L3MBTL3: variants seen among roughly 807,000 people sequenced by gnomAD.
L3MBTL3 encodes lethal(3)malignant brain tumor-like protein 3.
L3MBTL3 carries 27 observed loss-of-function variants against 102.3 expected under a neutral mutation model. That is an observed-to-expected ratio of 0.26 (90% CI 0.19 to 0.36). L3MBTL3 has a LOEUF of 0.36. Among genes scored for constraint, L3MBTL3 ranks in the 10% least tolerant of loss-of-function variants. The pLI is 1.00. For missense variants in L3MBTL3, 798 were observed against 955.3 expected, an observed-to-expected ratio of 0.84 and a Z score of 2.17; for synonymous variants, 340 against 320.9, an observed-to-expected ratio of 1.06 and a Z score of -0.64.
chr6:130,078,528 T>A, intron 13 of L3MBTL3, 30 bp from the exon 14 acceptor site: 1 of 1,485,310 alleles, frequency 6.7e-7, no homozygotes, highest in Non-Finnish European at 9.4e-7. Flanking sequence ...ATCCTGATAA[T>A]TGCAGTTTTT....
In L3MBTL3 at chr6:130,104,525, A is replaced by G. The variant is rs1368315578; in HGVS notation, c.1836A>G (p.Pro612=). The G allele has an allele frequency of 3.8e-6, 6 of 1,594,028 alleles. No homozygotes were observed. The highest frequency in any genetic ancestry group is 5.1e-6 in the Non-Finnish European group (6 of 1,171,752). Residue 612 remains proline (P), a synonymous_variant, in exon 19 of 23, where the codon CCA becomes CCG. Coordinates refer to ENST00000361794, the MANE Select transcript of L3MBTL3 (RefSeq NM_032438.4). Reference sequence around the variant, plus strand: ...TGCCTCCGGCTAGTCCGTCATTTCCAAGAAATAAAAGGACAGATGCAAATG... The same window carrying G: ...TGCCTCCGGCTAGTCCGTCATTTCCGAGAAATAAAAGGACAGATGCAAATG... The part of the protein sequence containing the change: ...GEMPPASPSF[P]RNKRTDANES...
chr6:130,049,325 A>C lies in L3MBTL3; in HGVS notation c.146A>C (p.Glu49Ala). Residue 49 changes from glutamate to alanine, a missense_variant, in exon 4 of 23, where the codon GAG becomes GCG. Physicochemically the swap from Glu to Ala is moderately radical, Grantham distance 107 (BLOSUM62 -1). This residue lies in a region of L3MBTL3 where 434 missense variants were observed against 506.6 expected (regional missense o/e 0.86). Coordinates refer to ENST00000361794, the MANE Select transcript of L3MBTL3 (RefSeq NM_032438.4). The stretch of plus-strand genomic sequence containing the variant: ...GGAGCCCTGGAAGTTATTACAGATG[A>C]GAATGAGATGGAAAATGTTAAAAAA... ...EFGALEVITD[E>A]NEMENVKKAT... The C allele has an allele frequency of 6.2e-7, 1 of 1,613,892 alleles. No homozygotes were observed. Among genetic ancestry groups the C allele is most frequent in the East Asian group, 2.2e-5 (1 of 44,868 alleles).
At chr6:130,076,592 CT>C (rs1782965923) in intron 13 of L3MBTL3, among the ~76,000 whole-genome samples, 1 of 152,086 alleles carries the variant, frequency 6.6e-6, no homozygotes, top group Non-Finnish European at 1.5e-5. Context: ...GAAATGGAGG[CT>C]TCTTTCATGA....
chr6:130,089,911 TA>T (rs1192308847), intron 16 of L3MBTL3, among the ~76,000 whole-genome samples: 2 of 140,600 alleles, frequency 1.4e-5, no homozygotes, highest in Non-Finnish European at 3.3e-5. Context: ...ATCAACACTC[TA>T]TCTTTTTCTT....
chr6:130,053,449 C>A (rs1437945463), intron 7 of L3MBTL3, among the ~76,000 whole-genome samples: 2 of 152,028 alleles, frequency 1.3e-5, no homozygotes. Context: ...TCCTGGCTAA[C>A]CCGGTGAAAC....
intron 13 of L3MBTL3, among the ~76,000 whole-genome samples, chr6:130,071,982 C>G (rs1782665714): frequency 6.6e-6 from 1 of 151,972 alleles, no homozygotes; most frequent in South Asian, 2.1e-4. Context: ...TTTTAAAATG[C>G]TTTCTATTAT....
intron 19 of L3MBTL3, among the ~76,000 whole-genome samples, chr6:130,109,768 T>C (rs151327160): frequency 0.041 from 6,276 of 152,320 alleles, 188 homozygotes; most frequent in Non-Finnish European, 0.066. Flanking sequence ...GTTTTAGTCA[T>C]GAAGTCTTTG....
intron 2 of L3MBTL3, among the ~76,000 whole-genome samples, chr6:130,034,254 T>G (rs1178022533): frequency 1.3e-5 from 2 of 152,200 alleles, no homozygotes; most frequent in African/African-American, 4.8e-5. Context: ...AGTAGATTCT[T>G]GACATTTGTG....
chr6:130,068,382 T>A lies in L3MBTL3; in HGVS notation c.1053T>A (p.Ala351=). 1 of 1,605,436 alleles carries A rather than the reference T, an allele frequency of 6.2e-7. No homozygotes were observed. Among genetic ancestry groups the A allele is most frequent in the Non-Finnish European group, 8.5e-7 (1 of 1,172,444 alleles). ...AGACCTATCTTAAGACATGTAAAGC[T>A]CAAGCTGCTCCTAAGTCATTATTTG... The part of the protein sequence containing the change: ...NWQTYLKTCK[A]QAAPKSLFEN... Residue 351 remains alanine (A), a synonymous_variant, in exon 12 of 23, where the codon GCT becomes GCA. Coordinates refer to ENST00000361794, the MANE Select transcript of L3MBTL3 (RefSeq NM_032438.4).
At chr6:130,096,265 A>G (rs777745055) in intron 18 of L3MBTL3, among the ~76,000 whole-genome samples, 14 of 152,126 alleles carry the variant, frequency 9.2e-5, no homozygotes, top group African/African-American at 2.2e-4. Context: ...CACAGACCCA[A>G]CCTTCAAAGA....
chr6:130,030,883 A>G (rs1213901222), intron 2 of L3MBTL3, among the ~76,000 whole-genome samples: 1 of 150,788 alleles, frequency 6.6e-6, no homozygotes, highest in Non-Finnish European at 1.5e-5. Context: ...AAGTAGTTTG[A>G]GGGTCAAATA....
intron 19 of L3MBTL3, among the ~76,000 whole-genome samples, chr6:130,105,597 G>C (rs1260310118): frequency 7.0e-6 from 1 of 142,872 alleles, no homozygotes; most frequent in Non-Finnish European, 1.5e-5. Flanking sequence ...ACTTCAGCCT[G>C]GGTGACAGAG....
At chr6:130,101,525 A>G (rs933813133) in intron 18 of L3MBTL3, among the ~76,000 whole-genome samples, 1 of 152,170 alleles carries the variant, frequency 6.6e-6, no homozygotes, top group Non-Finnish European at 1.5e-5. Flanking sequence ...AGATGCTGCC[A>G]TCCGGGCTTT....
At chr6:130,139,475 T>C in intron 22 of L3MBTL3, 135 bp from the exon 23 acceptor site, 1 of 746,638 alleles carries the variant, frequency 1.3e-6, no homozygotes, top group East Asian at 2.6e-5. Flanking sequence ...TCAAGAAATG[T>C]CATTGCACAC....
chr6:130,090,194 G>A (rs189449732), intron 16 of L3MBTL3, among the ~76,000 whole-genome samples: 1,495 of 137,958 alleles, frequency 0.011, 14 homozygotes, highest in Non-Finnish European at 0.018. Context: ...ATTATTTTAA[G>A]CACATATATA....
At chr6:130,055,350 C>A in intron 8 of L3MBTL3, 95 bp downstream of exon 8, 1 of 846,508 alleles carries the variant, frequency 1.2e-6, no homozygotes, top group Non-Finnish European at 1.9e-6. Flanking sequence ...TAAAGTATTA[C>A]TTCAGGATTT....
intron 18 of L3MBTL3, among the ~76,000 whole-genome samples, chr6:130,103,823 CATCATT>C (rs2115345090): frequency 6.6e-6 from 1 of 152,324 alleles, no homozygotes; most frequent in South Asian, 2.1e-4. Flanking sequence ...GAGCTCTGTG[CATCATT>C]ATCCAAGTTG....
Position 130,139,746 on chromosome 6 carries a change from A to T in L3MBTL3, c.2336A>T (p.Glu779Val). ...GCTGCAGAGAAGAATTCTCACAATGAACTTTGAAGATGGTGAATTCTGAAT... is the reference window on the plus strand; with the variant it reads ...GCTGCAGAGAAGAATTCTCACAATGTACTTTGAAGATGGTGAATTCTGAAT... ...FKAAEKNSHNEL is the reference protein window; with the variant it reads ...FKAAEKNSHNVL The change falls in exon 23 of 23, where the codon GAA (glutamate) becomes GTA (valine). Residue 779 changes from glutamate to valine, a missense_variant. Transcript: ENST00000361794. 6.2e-7 allele frequency: 1 copy of T among 1,613,016 alleles called. No individual in the cohort carries two copies. The highest frequency in any genetic ancestry group is 1.1e-5 in the South Asian group (1 of 91,060).
At chr6:130,018,982 A>AAG (rs754483362) in intron 1 of L3MBTL3, among the ~76,000 whole-genome samples, 1 of 151,826 alleles carries the variant, frequency 6.6e-6, no homozygotes, top group Non-Finnish European at 1.5e-5. Context: ...AGAGGAACAA[A>AAG]AGAGAGAGAA....
Sources: gnomAD v4.1 joint callset for allele counts (sites outside exome capture counted in the v4.1 genomes callset) on GRCh38, gnomAD v4.1.1 for gene constraint, gnomAD v4.1.1 regional missense constraint, MANE v1.5 for transcripts, NCBI Gene and HGNC (gene_info 2026-07-23, HGNC 2026-07-21) for gene names.